GALNT10: variants seen among roughly 807,000 people sequenced by gnomAD.
GALNT10 encodes polypeptide N-acetylgalactosaminyltransferase 10.
In GALNT10, 41 loss-of-function variants were observed where a neutral mutation model predicts 75.0. That is an observed-to-expected ratio of 0.55 (90% CI 0.43 to 0.71). The LOEUF is 0.71. Among genes scored for constraint, GALNT10 ranks in the 30% least tolerant of loss-of-function variants. The pLI is 0.00. For missense variants in GALNT10, 727 were observed against 818.5 expected (o/e 0.89, Z 1.36); for synonymous variants, 302 against 313.0 (o/e 0.96, Z 0.37).
intron 4 of GALNT10, chr5:154,356,248 T>A (rs542011225): frequency 2.2e-6 from 1 of 454,630 alleles, no homozygotes; most frequent in East Asian, 7.0e-5. Flanking sequence ...TTTGGAGACT[T>A]CTGCACCCGT....
chr5:154,209,329 T>C (rs141104143), intron 1 of GALNT10, among the ~76,000 whole-genome samples: 2 of 152,310 alleles, frequency 1.3e-5, no homozygotes, highest in Non-Finnish European at 2.9e-5. Flanking sequence ...GTTAACATCA[T>C]GTTAGCTGGC....
intron 3 of GALNT10, among the ~76,000 whole-genome samples, chr5:154,300,986 C>T (rs1754348546): frequency 6.6e-6 from 1 of 152,198 alleles, no homozygotes; most frequent in Admixed American, 6.5e-5. Context: ...GGCAAAACAG[C>T]ACATGTTCTC....
intron 1 of GALNT10, among the ~76,000 whole-genome samples, chr5:154,237,413 C>G (rs1454299491): frequency 1.3e-5 from 2 of 151,992 alleles, no homozygotes; most frequent in African/African-American, 4.8e-5. Context: ...TAAATCCAGG[C>G]TATTCATTGT....
intron 4 of GALNT10, among the ~76,000 whole-genome samples, chr5:154,355,546 G>T (rs934105755): frequency 5.9e-5 from 9 of 152,242 alleles, no homozygotes; most frequent in African/African-American, 2.2e-4. Flanking sequence ...GCATGCCTTA[G>T]AGCTCACTGG....
chr5:154,369,092 C>G (rs942941590), intron 4 of GALNT10, among the ~76,000 whole-genome samples: 4 of 152,146 alleles, frequency 2.6e-5, no homozygotes, highest in Non-Finnish European at 5.9e-5. Flanking sequence ...AGAGTTGTCA[C>G]AAGAATGAAA....
chr5:154,218,040 AC>A, intron 1 of GALNT10: 1 of 985,124 alleles, frequency 1.0e-6, no homozygotes, highest in Non-Finnish European at 1.2e-6. Flanking sequence ...TCGCTTCCCC[AC>A]CCCAGCCTGG....
Position 154,297,990 on chromosome 5 carries a change from G to C in GALNT10, c.312G>C (p.Val104=). 6.2e-7 allele frequency: 1 copy of C among 1,613,378 alleles called. No individual in the cohort carries two copies. The highest frequency in any genetic ancestry group is 8.5e-7 in the Non-Finnish European group (1 of 1,179,372). ...RPYPMTDAER[V]DQAYRENGFN... ...ACCCCATGACCGATGCTGAGAGAGTGGATCAGGCATACCGAGAAAATGGAT... is the reference window on the plus strand; with the variant it reads ...ACCCCATGACCGATGCTGAGAGAGTCGATCAGGCATACCGAGAAAATGGAT... Residue 104 remains valine, a synonymous_variant, in exon 3 of 12, where the codon GTG becomes GTC. Transcript: ENST00000297107.
In GALNT10 at chr5:154,376,779, G is replaced by A. The variant is rs1038331318; in HGVS notation, c.754+317G>A. On this transcript the variant is annotated intron_variant, in intron 5 of 11. Coordinates refer to ENST00000297107, the MANE Select transcript of GALNT10 (RefSeq NM_198321.4). The surrounding 1 kb of genome is among the most constrained non-coding windows in gnomAD (Gnocchi z 4.1). ...CTTCATTTTATTGCAAAGCAAGCCC[G>A]TGCTGTTTGCTGTTAATAGCCAAAC... Among the ~76,000 whole-genome samples, 3 of 152,144 alleles carry A rather than the reference G, an allele frequency of 2.0e-5. No homozygotes were observed. Among genetic ancestry groups the A allele is most frequent in the Admixed American group, 2.0e-4 (3 of 15,268 alleles).
intron 1 of GALNT10, among the ~76,000 whole-genome samples, chr5:154,211,277 C>A (rs1162592385): frequency 6.6e-6 from 1 of 152,120 alleles, no homozygotes; most frequent in Non-Finnish European, 1.5e-5. Flanking sequence ...GGAGCTGGAG[C>A]CCCCACTATG....
At chr5:154,339,480 A>G (rs967238250) in intron 4 of GALNT10, among the ~76,000 whole-genome samples, 1 of 152,072 alleles carries the variant, frequency 6.6e-6, no homozygotes, top group African/African-American at 2.4e-5. Flanking sequence ...GCAAGAGTCA[A>G]TATATCTATG....
chr5:154,321,681 A>G lies in GALNT10; in HGVS notation c.402-7891A>G, dbSNP rs138023192. Among the ~76,000 whole-genome samples the G allele has an allele frequency of 6.6e-5, 10 of 152,184 alleles. No individual in the cohort carries two copies. In the East Asian group the frequency reaches 1.9e-3, roughly 29 times the overall value. On this transcript the variant is annotated intron_variant, in intron 3 of 11. Transcript: ENST00000297107. Reference sequence around the variant, plus strand: ...CCTTCCCTTGATGCTTTTTACTTCCAGGCTCTCAGATTCCAGCATCGCCAG... The same window carrying G: ...CCTTCCCTTGATGCTTTTTACTTCCGGGCTCTCAGATTCCAGCATCGCCAG...
intron 4 of GALNT10, among the ~76,000 whole-genome samples, chr5:154,344,386 A>C (rs1755087951): frequency 6.6e-6 from 1 of 151,630 alleles, no homozygotes. Context: ...TAATTTTTGC[A>C]TTTTTAATAG....
At chr5:154,356,100 C>T in intron 4 of GALNT10, 1 of 455,758 alleles carries the variant, frequency 2.2e-6, no homozygotes, top group Non-Finnish European at 4.4e-6. Context: ...ATTTCATCTT[C>T]AGTGGAATCA....
chr5:154,386,364 G>C lies in GALNT10; in HGVS notation c.990G>C (p.Trp330Cys). 6.2e-7 allele frequency: 1 copy of C among 1,614,134 alleles called. No individual in the cohort carries two copies. The highest frequency in any genetic ancestry group is 1.1e-5 in the South Asian group (1 of 91,078). The change falls in exon 7 of 12, where the codon TGG (tryptophan) becomes TGC (cysteine). Residue 330 changes from tryptophan to cysteine, a missense_variant. Physicochemically the swap from Trp to Cys is radical, Grantham distance 215. Coordinates refer to ENST00000297107, the MANE Select transcript of GALNT10 (RefSeq NM_198321.4). Reference sequence around the variant, plus strand: ...TCGCCGTGGATCGGAAGTGGTTCTGGGAACTCGGCGGGTATGACCCAGGCT... The same window carrying C: ...TCGCCGTGGATCGGAAGTGGTTCTGCGAACTCGGCGGGTATGACCCAGGCT... ...GLFAVDRKWF[W>C]ELGGYDPGLE... is the part of the protein sequence containing the mutation.
intron 1 of GALNT10, among the ~76,000 whole-genome samples, chr5:154,266,986 G>GTAGATCT (rs1267274860): frequency 6.6e-6 from 1 of 152,140 alleles, no homozygotes; most frequent in Non-Finnish European, 1.5e-5. Flanking sequence ...TCAGTCCCCT[G>GTAGATCT]TAGATCTTAG....
intron 1 of GALNT10, among the ~76,000 whole-genome samples, chr5:154,275,857 C>G (rs934780828): frequency 1.3e-5 from 2 of 152,176 alleles, no homozygotes; most frequent in African/African-American, 4.8e-5. Flanking sequence ...CTGCCAAACT[C>G]TATTGATTGA....
chr5:154,382,800 G>T lies in GALNT10; in HGVS notation c.938+2169G>T, dbSNP rs115121538. ...GAAAGGTACTTAAGGACAGGTCTTG[G>T]CCCATCGTTATCCTCATTGCACAGT... On this transcript the variant is annotated intron_variant, in intron 6 of 11. Transcript: ENST00000297107. Among the ~76,000 whole-genome samples, 1,239 of 152,308 alleles carry T rather than the reference G, an allele frequency of 8.1e-3. 24 individuals carry two copies. The highest frequency in any genetic ancestry group is 0.029 in the African/African-American group (1,206 of 41,566).
At chr5:154,316,260 C>G (rs1447447317) in intron 3 of GALNT10, among the ~76,000 whole-genome samples, 1 of 152,310 alleles carries the variant, frequency 6.6e-6, no homozygotes, top group Admixed American at 6.5e-5. Flanking sequence ...TTATTTACAT[C>G]CAGGGTCTCC....
chr5:154,280,934 C>T (rs1010195510), intron 1 of GALNT10, among the ~76,000 whole-genome samples: 1 of 152,204 alleles, frequency 6.6e-6, no homozygotes. Flanking sequence ...CAACTGAATG[C>T]ATATAGTTAT....
Sources: allele counts gnomAD v4.1 joint callset (sites outside exome capture counted in the v4.1 genomes callset), GRCh38; gene constraint gnomAD v4.1.1; non-coding constraint Gnocchi (gnomAD v3.1); transcripts MANE v1.5; gene names NCBI Gene and HGNC (gene_info 2026-07-23, HGNC 2026-07-21).